MAP3K1: variants seen among roughly 807,000 people sequenced by gnomAD.
The protein encoded by MAP3K1 is mitogen-activated protein kinase kinase kinase 1, also known as MAP/ERK kinase kinase 1.
Under a neutral mutation model 144.2 loss-of-function variants are expected in MAP3K1, and 36 were observed. The observed-to-expected ratio is 0.25, with a 90% CI of 0.19 to 0.33. The LOEUF (loss-of-function observed/expected upper bound fraction) is 0.33, where lower values mean the gene tolerates loss of function less well. Among genes scored for constraint, MAP3K1 ranks in the 10% least tolerant of loss-of-function variants. MAP3K1 has a pLI of 1.00. For missense variants in MAP3K1, 1,650 were observed against 1,881.9 expected (o/e 0.88, Z 2.28); for synonymous variants, 718 against 688.7 (o/e 1.04, Z -0.67).
At chr5:56,863,787 C>T (rs1203670864) in intron 3 of MAP3K1, among the ~76,000 whole-genome samples, 1 of 152,190 alleles carries the variant, frequency 6.6e-6, no homozygotes, top group Non-Finnish European at 1.5e-5. Context: ...GTCTTGCCAA[C>T]ATTTATTACC....
intron 1 of MAP3K1, among the ~76,000 whole-genome samples, chr5:56,829,063 T>C (rs1277899745): frequency 6.6e-6 from 1 of 152,186 alleles, no homozygotes; most frequent in East Asian, 1.9e-4. Context: ...TCTAAAAAAT[T>C]ATGACTTTCA....
rs1162379515 is a variant in MAP3K1 at position 56,895,239 on chromosome 5, GTTTC to G, written c.*1562_*1565del. The stretch of plus-strand genomic sequence containing the variant: ...GGCAGTTTGTTTTTTATGTGAATAT[GTTTC>G]TTAGTGAAATTTTACATTCCTTTGT... On this transcript the variant is annotated 3_prime_UTR_variant, in exon 20 of 20. Transcript: ENST00000399503. 1 of 231,994 alleles carries G rather than the reference GTTTC, an allele frequency of 4.3e-6. No individual in the cohort carries two copies. The highest frequency in any genetic ancestry group is 8.5e-6 in the Non-Finnish European group (1 of 117,398). 14.4% of individuals were successfully genotyped at this position (231,994 alleles called of 1,614,324 possible). A position where few individuals can be genotyped will look rare whatever the true frequency, so the allele number is the denominator to read the frequency against.
chr5:56,877,640 A>G (rs987292566), intron 10 of MAP3K1, among the ~76,000 whole-genome samples: 1 of 152,050 alleles, frequency 6.6e-6, no homozygotes, highest in Non-Finnish European at 1.5e-5. Context: ...CAGTCAGCAC[A>G]TTAACATTAA....
chr5:56,877,519 AATT>A, intron 10 of MAP3K1, among the ~76,000 whole-genome samples: 1 of 83,444 alleles, frequency 1.2e-5, no homozygotes, highest in South Asian at 4.3e-4. Flanking sequence ...CTGCATATAT[AATT>A]TTTTTTTTTT....
At chr5:56,839,360 A>G (rs555812088) in intron 1 of MAP3K1, among the ~76,000 whole-genome samples, 9 of 152,224 alleles carry the variant, frequency 5.9e-5, no homozygotes, top group Non-Finnish European at 1.2e-4. Flanking sequence ...TATGCAAGTC[A>G]TGAGTGGTAT....
At chr5:56,887,245 CTGTT>C (rs775407714) in intron 17 of MAP3K1, 129 bp from the exon 18 acceptor site, 97 of 807,558 alleles carry the variant, frequency 1.2e-4, no homozygotes, top group East Asian at 2.4e-4. Flanking sequence ...AAGAGAATAA[CTGTT>C]TGCACCTCTG....
intron 1 of MAP3K1, among the ~76,000 whole-genome samples, chr5:56,825,578 T>C (rs1746287941): frequency 6.6e-6 from 1 of 152,308 alleles, no homozygotes; most frequent in Admixed American, 6.5e-5. Context: ...CTGCTCAGCC[T>C]CTTCATCCTT....
intron 1 of MAP3K1, among the ~76,000 whole-genome samples, chr5:56,840,146 T>C (rs1005450697): frequency 6.6e-6 from 1 of 152,196 alleles, no homozygotes; most frequent in African/African-American, 2.4e-5. Flanking sequence ...TTTGTTTGTT[T>C]GTTTGTTTTT....
intron 19 of MAP3K1, 102 bp from the exon 20 acceptor site, chr5:56,893,419 AGTTCCTCTCT>A: frequency 8.8e-7 from 1 of 1,136,264 alleles, no homozygotes; most frequent in Non-Finnish European, 1.3e-6. Context: ...CTTCTGCTTC[AGTTCCTCTCT>A]GTTCAGGATG....
chr5:56,893,557 G>T lies in MAP3K1; in HGVS notation c.4416G>T (p.Ser1472=), dbSNP rs201067455. Reference sequence around the variant, plus strand: ...TTGCTAGTGCAACTACTGCTCCATCGATCCCTTCACATTTGTCTCCTGGTT... The same window carrying T: ...TTGCTAGTGCAACTACTGCTCCATCTATCCCTTCACATTTGTCTCCTGGTT... The part of the protein sequence containing the change: ...FKIASATTAP[S]IPSHLSPGLR... The change falls in exon 20 of 20, where the codon TCG becomes TCT. Residue 1472 remains serine, a synonymous_variant. Coordinates refer to ENST00000399503, the MANE Select transcript of MAP3K1 (RefSeq NM_005921.2). 306 of 1,613,896 alleles carry T rather than the reference G, an allele frequency of 1.9e-4. No individual in the cohort carries two copies. In the African/African-American group the frequency reaches 3.6e-3, roughly 19 times the overall value.
intron 14 of MAP3K1, among the ~76,000 whole-genome samples, 190 bp from the exon 15 acceptor site, chr5:56,883,337 G>C (rs540526618): frequency 1.3e-5 from 2 of 152,264 alleles, no homozygotes; most frequent in South Asian, 4.1e-4. Context: ...CTTGCCTATG[G>C]GCATTTCCGG....
At chr5:56,888,388 G>A (rs1335006716) in intron 19 of MAP3K1, 31 bp downstream of exon 19, 1 of 1,610,318 alleles carries the variant, frequency 6.2e-7, no homozygotes, top group Admixed American at 1.7e-5. Context: ...ACTTCTTTGT[G>A]CTAAAAGGAG....
In MAP3K1 at chr5:56,875,014, CGT is replaced by C; in HGVS notation, c.1687-11_1687-10del. 1 of 1,613,554 alleles carries C rather than the reference CGT, an allele frequency of 6.2e-7. No individual in the cohort carries two copies. Among genetic ancestry groups the C allele is most frequent in the Non-Finnish European group, 8.5e-7 (1 of 1,179,500 alleles). On this transcript the variant is annotated splice_polypyrimidine_tract_variant and intron_variant, in intron 9 of 19. Coordinates refer to ENST00000399503, the MANE Select transcript of MAP3K1 (RefSeq NM_005921.2). ...AAGCTTTTCTTTACATTGAATTCAT[CGT>C]GTGTGTTTGATACAGGTGTTTGGAA...
At chr5:56,874,685 T>C (rs909711499) in intron 9 of MAP3K1, among the ~76,000 whole-genome samples, 11 of 152,178 alleles carry the variant, frequency 7.2e-5, no homozygotes, top group African/African-American at 2.7e-4. Flanking sequence ...TACCTTAATA[T>C]GAATACAGAG....
At position 56,893,767 on chromosome 5, in the gene MAP3K1, C is replaced by T. The variant is rs1360071820; in HGVS notation, c.*87C>T. ...GGGAACCACATTGATATTCTACTGG[C>T]CATGATGCCACTGAACAGCTATGAA... On this transcript the variant is annotated 3_prime_UTR_variant, in exon 20 of 20. Coordinates refer to ENST00000399503, the MANE Select transcript of MAP3K1 (RefSeq NM_005921.2). 6 of 1,414,836 alleles carry T rather than the reference C, an allele frequency of 4.2e-6. No homozygotes were observed. The highest frequency in any genetic ancestry group is 5.9e-6 in the Non-Finnish European group (6 of 1,018,326). 87.6% of individuals were successfully genotyped at this position (1,414,836 alleles called of 1,614,324 possible).
At position 56,848,526 on chromosome 5, in the gene MAP3K1, T is replaced by G. The variant is rs571380939; in HGVS notation, c.483-8074T>G. 3.9e-5 allele frequency among the ~76,000 whole-genome samples: 6 copies of G among 152,338 alleles called. No homozygotes were observed. The East Asian group carries it at 1.2e-3, about 29-fold the overall frequency. ...TAGCTGCAGGACAAGGAAAAGGCCCTGCCCTCAAAGAATTTACCCTTTCCT... is the reference window on the plus strand; with the variant it reads ...TAGCTGCAGGACAAGGAAAAGGCCCGGCCCTCAAAGAATTTACCCTTTCCT... On this transcript the variant is annotated intron_variant, in intron 1 of 19. Transcript: ENST00000399503.
In MAP3K1 at chr5:56,878,995, A is replaced by G; in HGVS notation, c.1981A>G (p.Met661Val). 6.2e-7 allele frequency: 1 copy of G among 1,613,928 alleles called. No individual in the cohort carries two copies. The highest frequency in any genetic ancestry group is 8.5e-7 in the Non-Finnish European group (1 of 1,179,874). Residue 661 changes from methionine to valine, a missense_variant, in exon 11 of 20, where the codon ATG (methionine) becomes GTG (valine). This residue lies in a region of MAP3K1 where 841 missense variants were observed against 886.5 expected (regional missense o/e 0.95). Coordinates refer to ENST00000399503, the MANE Select transcript of MAP3K1 (RefSeq NM_005921.2). ...YVAALKTLRA[M>V]LVYTPCHSLA... is the part of the protein sequence containing the mutation. Reference sequence around the variant, plus strand: ...TTTTCCTTAGAAAACATTGAGAGCCATGCTGGTATATACTCCTTGCCACAG... The same window carrying G: ...TTTTCCTTAGAAAACATTGAGAGCCGTGCTGGTATATACTCCTTGCCACAG...
At chr5:56,860,418 C>T (rs908442697) in intron 3 of MAP3K1, among the ~76,000 whole-genome samples, 5 of 152,030 alleles carry the variant, frequency 3.3e-5, no homozygotes, top group South Asian at 2.1e-4. Flanking sequence ...AGTATTTGTG[C>T]GGTTGTTAGA....
rs776183791 is a variant in MAP3K1 at position 56,878,986 on chromosome 5, T to C, written c.1972T>C (p.Leu658=). 11 of 1,613,746 alleles carry C rather than the reference T, an allele frequency of 6.8e-6. No individual in the cohort carries two copies. Among genetic ancestry groups the C allele is most frequent in the Non-Finnish European group, 9.3e-6 (11 of 1,179,874 alleles). Residue 658 remains leucine, a synonymous_variant, in exon 11 of 20, where the codon TTG becomes CTG. Transcript: ENST00000399503. The part of the protein sequence containing the change: ...YKVYVAALKT[L]RAMLVYTPCH... ...TTCAGATTTTTTTCCTTAGAAAACA[T>C]TGAGAGCCATGCTGGTATATACTCC...
Sources: gnomAD v4.1 joint callset for allele counts (sites outside exome capture counted in the v4.1 genomes callset) on GRCh38, gnomAD v4.1.1 for gene constraint, gnomAD v4.1.1 regional missense constraint, MANE v1.5 for transcripts, NCBI Gene and HGNC (gene_info 2026-07-23, HGNC 2026-07-21) for gene names.